Variants in FAM86B2 observed in about 807,000 individuals in gnomAD.
The protein encoded by FAM86B2 is family with sequence similarity 86 member B2, also known as putative protein N-methyltransferase FAM86B2.
FAM86B2 carries 1 observed loss-of-function variant against 26.5 expected under a neutral mutation model. That is an observed-to-expected ratio of 0.04 (90% CI 0.01 to 0.18). FAM86B2 has a LOEUF of 0.18. Ranked by LOEUF, FAM86B2 falls within the 10% of genes least tolerant of loss-of-function variation. The pLI, the probability that FAM86B2 is intolerant of heterozygous loss-of-function variation, is 1.00. For missense variants in FAM86B2, 43 were observed against 303.5 expected (o/e 0.14, Z 6.38); for synonymous variants, 11 against 127.8 (o/e 0.09, Z 6.17).
At chr8:12,431,557 T>C (rs1798173725) in intron 3 of FAM86B2, among the ~76,000 whole-genome samples, 1 of 84,460 alleles carries the variant, frequency 1.2e-5, no homozygotes, top group Non-Finnish European at 2.2e-5. Context: ...AATAAATAAA[T>C]AAATAAATAA....
At chr8:12,426,239 G>T (rs1384401642) in intron 7 of FAM86B2, among the ~76,000 whole-genome samples, 1 of 148,104 alleles carries the variant, frequency 6.8e-6, no homozygotes, top group African/African-American at 2.5e-5. Flanking sequence ...GTCTGCCCCA[G>T]CACTTGGCAC....
At chr8:12,428,480 C>T (rs530804514) in intron 6 of FAM86B2, among the ~76,000 whole-genome samples, 153 bp downstream of exon 6, 1 of 152,094 alleles carries the variant, frequency 6.6e-6, no homozygotes, top group African/African-American at 2.4e-5. Flanking sequence ...CACCCCTGTC[C>T]TTTGATGTCA....
chr8:12,433,557 GC>G (rs200535948), intron 2 of FAM86B2, among the ~76,000 whole-genome samples: 5,798 of 145,828 alleles, frequency 0.04, 19 homozygotes, highest in Middle Eastern at 0.12. Context: ...TCTGCACTTG[GC>G]CCTCAATGCC....
chr8:12,426,282 C>T (rs1554511015), intron 7 of FAM86B2, among the ~76,000 whole-genome samples: 1 of 146,144 alleles, frequency 6.8e-6, no homozygotes, highest in Non-Finnish European at 1.5e-5. Flanking sequence ...GAACCCACAT[C>T]TCCCTGGCTG....
Position 12,424,617 on chromosome 8 carries a change from G to A in FAM86B2, c.*1272C>T, listed in dbSNP as rs1327960354. Among the ~76,000 whole-genome samples, 17 of 136,684 alleles carry A rather than the reference G, an allele frequency of 1.2e-4. No individual in the cohort carries two copies. Among genetic ancestry groups the A allele is most frequent in the African/African-American group, 4.3e-4 (17 of 39,182 alleles). 89.7% of individuals were successfully genotyped at this position (136,684 alleles called of 152,430 possible). A position where few individuals can be genotyped will look rare whatever the true frequency, so the allele number is the denominator to read the frequency against. ...GAGGGTGCTCACAGGGGAACGTACA[G>A]CATGTAGAGGCCGGAAGGTGCTCCA... On this transcript the variant is annotated 3_prime_UTR_variant, in exon 8 of 8. Coordinates refer to ENST00000262365, the MANE Select transcript of FAM86B2 (RefSeq NM_001137610.3).
At position 12,429,487 on chromosome 8, in the gene FAM86B2, ATTT is replaced by A. The variant is rs146683582; in HGVS notation, c.343-376_343-374del. Among the ~76,000 whole-genome samples, 474 of 76,528 alleles carry A rather than the reference ATTT, an allele frequency of 6.2e-3. 3 individuals carry two copies. Among genetic ancestry groups the A allele is most frequent in the African/African-American group, 0.018 (356 of 19,458 alleles). 50.2% of individuals were successfully genotyped at this position (76,528 alleles called of 152,430 possible). On this transcript the variant is annotated intron_variant, in intron 4 of 7. Transcript: ENST00000262365. ...GTTTTCTGTATCTATGTTTTATCTC[ATTT>A]TTTTTTTTTTGAGCTCTGTCACCCA...
intron 3 of FAM86B2, among the ~76,000 whole-genome samples, chr8:12,430,711 A>G (rs561605436): frequency 0.03 from 1,369 of 45,216 alleles, 2 homozygotes; most frequent in African/African-American, 0.043. Flanking sequence ...CTCTAAAAAA[A>G]AAATTATTCC....
chr8:12,429,569 C>G (rs1813216078), intron 4 of FAM86B2, among the ~76,000 whole-genome samples: 1 of 59,132 alleles, frequency 1.7e-5, no homozygotes, highest in East Asian at 7.8e-4. Context: ...CTCCTGGGTT[C>G]AAGCAATTCT....
chr8:12,428,288 G>T (rs1486196817), intron 6 of FAM86B2, among the ~76,000 whole-genome samples: 147 of 146,594 alleles, frequency 1.0e-3, no homozygotes, highest in African/African-American at 3.6e-3. Flanking sequence ...GTTTTCGGTG[G>T]CCCAGCCAAA....
chr8:12,435,856 G>A lies in FAM86B2; in HGVS notation c.96+392C>T, dbSNP rs542737293. Among the ~76,000 whole-genome samples the A allele has an allele frequency of 5.0e-4, 70 of 140,446 alleles. 8 individuals carry two copies. The South Asian group carries it at 0.016, about 32-fold the overall frequency. 92.1% of individuals were successfully genotyped at this position (140,446 alleles called of 152,430 possible). On this transcript the variant is annotated intron_variant, in intron 1 of 7. Coordinates refer to ENST00000262365, the MANE Select transcript of FAM86B2 (RefSeq NM_001137610.3). Reference sequence around the variant, plus strand: ...GGCACGAGGGACAGCCTGTGACCTGGTCACCACGCTCAGGAGGAGGTGGTT... The same window carrying A: ...GGCACGAGGGACAGCCTGTGACCTGATCACCACGCTCAGGAGGAGGTGGTT...
Sources: gnomAD v4.1 joint callset for allele counts (sites outside exome capture counted in the v4.1 genomes callset) on GRCh38, gnomAD v4.1.1 for gene constraint, MANE v1.5 for transcripts, NCBI Gene and HGNC (gene_info 2026-07-23, HGNC 2026-07-21) for gene names.